YLPM1: variants seen among roughly 807,000 people sequenced by gnomAD.
YLPM1 encodes the protein YLP motif-containing protein 1.
Under a neutral mutation model 230.0 loss-of-function variants are expected in YLPM1, and 99 were observed. The ratio of observed to expected loss-of-function variants is 0.43; its 90% CI spans 0.37 to 0.51. The LOEUF is 0.51. Ranked by LOEUF, YLPM1 falls within the 20% of genes least tolerant of loss-of-function variation. YLPM1 has a pLI of 0.00. For synonymous variants in YLPM1, 984 were observed against 942.5 expected, an observed-to-expected ratio of 1.04 and a Z score of -0.81; for missense variants, 2,592 against 2,707.7, an observed-to-expected ratio of 0.96 and a Z score of 0.95.
At position 74,817,071 on chromosome 14, in the gene YLPM1, C is replaced by T. The variant is rs1454437413; in HGVS notation, c.5826C>T (p.Asp1942=). 1.9e-6 allele frequency: 3 copies of T among 1,609,712 alleles called. No individual in the cohort carries two copies. Among genetic ancestry groups the T allele is most frequent in the Non-Finnish European group, 2.5e-6 (3 of 1,178,342 alleles). The part of the protein sequence containing the change: ...DAINDRVRHF[D]QFWSAAKTKG... The stretch of plus-strand genomic sequence containing the variant: ...TCAATGACAGAGTTAGGCATTTTGA[C>T]CAGTTTTGGAGTGCAGCAAAAACCA... The change falls in exon 14 of 21, where the codon GAC becomes GAT. Residue 1942 remains aspartate, a synonymous_variant. Transcript: ENST00000325680.
intron 4 of YLPM1, among the ~76,000 whole-genome samples, chr14:74,784,676 C>T (rs1320122602): frequency 2.0e-5 from 3 of 152,204 alleles, no homozygotes; most frequent in African/African-American, 7.2e-5. Context: ...AAATGTGATT[C>T]TTTAACTTTT....
chr14:74,774,202 A>G (rs2091008599), intron 1 of YLPM1, among the ~76,000 whole-genome samples: 1 of 152,236 alleles, frequency 6.6e-6, no homozygotes, highest in African/African-American at 2.4e-5. Context: ...AGTTTACATT[A>G]GGCAAAGTCA....
rs2091637086 is a variant in YLPM1, at chr14:74,835,550, T to C, written c.*36+103T>C. ...TGCTAAAAATGCTCTCTTCTTGTGT[T>C]ATTTTATAGTTCTGAAAGAGTAAGT... On this transcript the variant is annotated intron_variant, in intron 20 of 20. Coordinates refer to ENST00000325680, the MANE Select transcript of YLPM1 (RefSeq NM_019589.3). 4.1e-6 allele frequency: 4 copies of C among 987,452 alleles called. No individual in the cohort carries two copies. In the African/African-American group the frequency reaches 6.5e-5, roughly 16 times the overall value. The allele number at this position is 987,452 out of a possible 1,614,324, so 61.2% of individuals were successfully genotyped here. A position where few individuals can be genotyped will look rare whatever the true frequency, so the allele number is the denominator to read the frequency against.
intron 19 of YLPM1, among the ~76,000 whole-genome samples, chr14:74,833,083 A>G (rs1207329681): frequency 1.3e-5 from 2 of 151,004 alleles, no homozygotes; most frequent in East Asian, 2.0e-4. Flanking sequence ...GCCACTGAAC[A>G]AAGAAAAAGT....
chr14:74,821,321 T>A, intron 17 of YLPM1, 184 bp downstream of exon 17: 1 of 830,496 alleles, frequency 1.2e-6, no homozygotes, highest in Non-Finnish European at 1.7e-6. Context: ...AAGAACCCTC[T>A]AATGTGGTGT....
chr14:74,816,479 T>C lies in YLPM1; in HGVS notation c.5566-92T>C. 9 of 1,450,954 alleles carry C rather than the reference T, an allele frequency of 6.2e-6. 1 individual carries two copies. The South Asian group carries it at 9.7e-5, about 16-fold the overall frequency. 89.9% of individuals were successfully genotyped at this position (1,450,954 alleles called of 1,614,324 possible). ...GCTTGATTTGAAACCACCAGAAGAT[T>C]GTATATTATTTAGCCACAAGAGGGA... On this transcript the variant is annotated intron_variant, in intron 12 of 20. Transcript: ENST00000325680.
rs1313986795 is a variant in YLPM1 at position 74,836,386 on chromosome 14, A to T, written c.*648A>T. On this transcript the variant is annotated 3_prime_UTR_variant, in exon 21 of 21. Transcript: ENST00000325680. ...AACACTCATCTTTGTTTTATAGCTG[A>T]TTTCTCTATCTTTGTGTCTTGAAGA... is the stretch of plus-strand genomic sequence containing the variant. 1.3e-5 allele frequency: 2 copies of T among 152,184 alleles called. No individual in the cohort carries two copies. The highest frequency in any genetic ancestry group is 2.9e-5 in the Non-Finnish European group (2 of 68,090). 9.4% of individuals were successfully genotyped at this position (152,184 alleles called of 1,614,324 possible).
Position 74,798,116 on chromosome 14 carries a change from C to A in YLPM1, c.2819C>A (p.Ala940Asp), listed in dbSNP as rs1228980659. 1.9e-6 allele frequency: 3 copies of A among 1,613,840 alleles called. No individual in the cohort carries two copies. In the African/African-American group the frequency reaches 4.0e-5, roughly 22 times the overall value. ...SMETQIDKAQ[A>D]VTQPVPLANK... is the part of the protein sequence containing the mutation. The stretch of plus-strand genomic sequence containing the variant: ...GAGACTCAAATCGACAAAGCCCAAG[C>A]TGTTACTCAGCCTGTACCCCTTGCG... The change falls in exon 5 of 21, where the codon GCT becomes GAT. Residue 940 changes from alanine to aspartate, a missense_variant. Physicochemically the swap from Ala to Asp is moderately radical, Grantham distance 126 (BLOSUM62 -2). Coordinates refer to ENST00000325680, the MANE Select transcript of YLPM1 (RefSeq NM_019589.3).
rs1382277546 is a variant in YLPM1, at chr14:74,817,065, T to A, written c.5820T>A (p.His1940Gln). 6.2e-7 allele frequency: 1 copy of A among 1,609,796 alleles called. No individual in the cohort carries two copies. Among genetic ancestry groups the A allele is most frequent in the South Asian group, 1.1e-5 (1 of 89,950 alleles). ...ATGCCATCAATGACAGAGTTAGGCA[T>A]TTTGACCAGTTTTGGAGTGCAGCAA... ...ILDAINDRVR[H>Q]FDQFWSAAKT... Residue 1940 changes from histidine to glutamine, a missense_variant, in exon 14 of 21, where the codon CAT becomes CAA. Coordinates refer to ENST00000325680, the MANE Select transcript of YLPM1 (RefSeq NM_019589.3).
At chr14:74,768,506 C>T (rs2090937140) in intron 1 of YLPM1, among the ~76,000 whole-genome samples, 1 of 152,190 alleles carries the variant, frequency 6.6e-6, no homozygotes, top group Non-Finnish European at 1.5e-5. Flanking sequence ...TTCGGCCTCC[C>T]AAAGTGCTGG....
chr14:74,816,128 A>G lies in YLPM1; in HGVS notation c.5503-75A>G, dbSNP rs2091475954. On this transcript the variant is annotated intron_variant, in intron 11 of 20. Coordinates refer to ENST00000325680, the MANE Select transcript of YLPM1 (RefSeq NM_019589.3). ...AGTCTATCCTGGAAAATGGTAGGTC[A>G]TTGTTAACTGTTATCTCATTGCAGA... The G allele has an allele frequency of 9.6e-6, 13 of 1,360,330 alleles. No homozygotes were observed. The East Asian group carries it at 3.2e-4, about 34-fold the overall frequency. The allele number at this position is 1,360,330 out of a possible 1,614,324, so 84.3% of individuals were successfully genotyped here.
intron 17 of YLPM1, chr14:74,823,950 T>C (rs150782566): frequency 4.1e-6 from 1 of 246,462 alleles, no homozygotes; most frequent in African/African-American, 2.2e-5. Flanking sequence ...CTGTACATTC[T>C]TATCATATTT....
chr14:74,806,704 G>T (rs911393528), intron 6 of YLPM1, among the ~76,000 whole-genome samples: 3 of 151,446 alleles, frequency 2.0e-5, no homozygotes, highest in Non-Finnish European at 4.4e-5. Context: ...CAGCATTTTT[G>T]ATTACTAGTG....
intron 19 of YLPM1, 73 bp downstream of exon 19, chr14:74,829,416 C>T: frequency 6.3e-7 from 1 of 1,583,408 alleles, no homozygotes; most frequent in South Asian, 1.1e-5. Context: ...AAGTTACAGG[C>T]AGATGATCAC....
chr14:74,768,539 G>A (rs1481804319), intron 1 of YLPM1, among the ~76,000 whole-genome samples: 1 of 152,164 alleles, frequency 6.6e-6, no homozygotes, highest in African/African-American at 2.4e-5. Context: ...GAGCCACTGC[G>A]CCCGGTCGGA....
At chr14:74,820,939 G>GT in intron 16 of YLPM1, 118 bp from the exon 17 acceptor site, 1 of 1,155,030 alleles carries the variant, frequency 8.7e-7, no homozygotes, top group East Asian at 2.9e-5. Context: ...TACTTGGTAT[G>GT]TAACAGTGAG....
intron 17 of YLPM1, among the ~76,000 whole-genome samples, chr14:74,822,385 A>G (rs1357331160): frequency 6.6e-6 from 1 of 151,954 alleles, no homozygotes; most frequent in Non-Finnish European, 1.5e-5. Context: ...GTGTAGGTCA[A>G]AACTTGGGAA....
At chr14:74,819,766 A>C (rs1385200544) in intron 16 of YLPM1, among the ~76,000 whole-genome samples, 1 of 152,114 alleles carries the variant, frequency 6.6e-6, no homozygotes, top group Non-Finnish European at 1.5e-5. Flanking sequence ...TTCTTAAAAA[A>C]CATATTTTTC....
At chr14:74,820,234 T>C (rs2140137127) in intron 16 of YLPM1, among the ~76,000 whole-genome samples, 1 of 152,290 alleles carries the variant, frequency 6.6e-6, no homozygotes, top group Admixed American at 6.5e-5. Flanking sequence ...AAACCGGTGC[T>C]CTGGGAGTTA....
Sources: gnomAD v4.1 joint callset for allele counts (sites outside exome capture counted in the v4.1 genomes callset) on GRCh38, gnomAD v4.1.1 for gene constraint, MANE v1.5 for transcripts, NCBI Gene and HGNC (gene_info 2026-07-23, HGNC 2026-07-21) for gene names.